Variants in MLLT10 observed in about 807,000 individuals in gnomAD.
The protein encoded by MLLT10 is protein AF-10.
MLLT10 carries 30 observed loss-of-function variants against 129.1 expected under a neutral mutation model. The observed-to-expected ratio is 0.23, with a 90% CI of 0.17 to 0.32. The LOEUF is 0.32. Among genes scored for constraint, MLLT10 ranks in the 10% least tolerant of loss-of-function variants. MLLT10 has a pLI of 1.00. For synonymous variants in MLLT10, 490 were observed against 446.4 expected (o/e 1.10, Z -1.23); for missense variants, 1,119 against 1,268.3 (o/e 0.88, Z 1.79).
intron 3 of MLLT10, among the ~76,000 whole-genome samples, chr10:21,569,986 T>A (rs188152830): frequency 6.6e-6 from 1 of 152,154 alleles, no homozygotes; most frequent in Non-Finnish European, 1.5e-5. Context: ...CTCGGCTCAT[T>A]GCAATCTCTG....
At chr10:21,586,699 C>T (rs1213736016) in intron 4 of MLLT10, among the ~76,000 whole-genome samples, 2 of 151,892 alleles carry the variant, frequency 1.3e-5, no homozygotes, top group African/African-American at 2.4e-5. Flanking sequence ...CCAGCCTGGC[C>T]AACATAGTGA....
chr10:21,534,570 TC>T, intron 1 of MLLT10, 50 bp downstream of exon 1: 2 of 1,200,642 alleles, frequency 1.7e-6, no homozygotes, highest in Non-Finnish European at 1.1e-6. Flanking sequence ...CGGGGCGGGC[TC>T]GGGGGGCTGT....
At chr10:21,588,572 C>A (rs1001041942) in intron 4 of MLLT10, among the ~76,000 whole-genome samples, 3 of 151,762 alleles carry the variant, frequency 2.0e-5, no homozygotes, top group African/African-American at 7.3e-5. Context: ...GGAGTTTTGC[C>A]GTTAATTTTG....
At chr10:21,625,281 C>T (rs568704101) in intron 8 of MLLT10, 4 of 936,344 alleles carry the variant, frequency 4.3e-6, no homozygotes, top group Non-Finnish European at 5.2e-6. Context: ...GTTTCTTTGC[C>T]ATTCATTTCA....
At chr10:21,564,627 C>G (rs1476654746) in intron 3 of MLLT10, 1 of 151,186 alleles carries the variant, frequency 6.6e-6, no homozygotes, top group Non-Finnish European at 1.5e-5. Context: ...TTTTCTTTTT[C>G]TTTTTTTGAG....
chr10:21,670,668 G>A lies in MLLT10; in HGVS notation c.1015G>A (p.Gly339Arg). ...GRKPGGGRNP[G>R]TTVSAASPFP... ...AAAGCCTGGTGGTGGAAGAAATCCA[G>A]GAACAACTGTGTCAGCAGCTAGCCC... The change falls in exon 10 of 23, where the codon GGA becomes AGA. Residue 339 changes from glycine to arginine, a missense_variant. Gly to Arg is a moderately radical substitution (Grantham distance 125). Coordinates refer to ENST00000307729, the MANE Select transcript of MLLT10 (RefSeq NM_001195626.3). 6.2e-7 allele frequency: 1 copy of A among 1,614,092 alleles called. No individual in the cohort carries two copies. The highest frequency in any genetic ancestry group is 8.5e-7 in the Non-Finnish European group (1 of 1,180,020).
intron 14 of MLLT10, among the ~76,000 whole-genome samples, chr10:21,718,297 G>A (rs1353600346): frequency 3.3e-5 from 5 of 152,088 alleles, no homozygotes; most frequent in African/African-American, 7.2e-5. Flanking sequence ...TTAACATTGC[G>A]GGAAGAGCGG....
chr10:21,671,931 C>T (rs995006013), intron 10 of MLLT10, among the ~76,000 whole-genome samples: 1 of 151,778 alleles, frequency 6.6e-6, no homozygotes, highest in South Asian at 2.1e-4. Context: ...CCAGCCTAGG[C>T]GACAGAACAA....
rs1220458599 is a variant in MLLT10, at chr10:21,689,616, T to C, written c.1699+7359T>C. On this transcript the variant is annotated intron_variant, in intron 13 of 22. Coordinates refer to ENST00000307729, the MANE Select transcript of MLLT10 (RefSeq NM_001195626.3). ...CGTGTGTGTTTTATATATATATATATATACACACACACACACACACACATT... is the reference window on the plus strand; with the variant it reads ...CGTGTGTGTTTTATATATATATATACATACACACACACACACACACACATT... 3.4e-3 allele frequency among the ~76,000 whole-genome samples: 483 copies of C among 140,738 alleles called. 6 individuals are homozygous for C. The highest frequency in any genetic ancestry group is 0.012 in the African/African-American group (456 of 37,712). The allele number at this position is 140,738 out of a possible 152,430, so 92.3% of individuals were successfully genotyped here.
chr10:21,686,674 GA>G (rs1269842622), intron 13 of MLLT10, among the ~76,000 whole-genome samples: 1 of 152,064 alleles, frequency 6.6e-6, no homozygotes, highest in Non-Finnish European at 1.5e-5. Context: ...CAATATCTAT[GA>G]CTGTAAATAT....
chr10:21,554,351 C>T (rs1245309093), intron 3 of MLLT10, among the ~76,000 whole-genome samples: 1 of 152,100 alleles, frequency 6.6e-6, no homozygotes, highest in Non-Finnish European at 1.5e-5. Context: ...TTTGAGACAG[C>T]ATCTTGATAT....
chr10:21,603,704 G>A (rs1365142830), intron 5 of MLLT10, among the ~76,000 whole-genome samples: 2 of 152,114 alleles, frequency 1.3e-5, no homozygotes, highest in Non-Finnish European at 2.9e-5. Flanking sequence ...AATTAAAGAG[G>A]CTACAAGTCT....
At chr10:21,564,089 G>A (rs1328246155) in intron 3 of MLLT10, among the ~76,000 whole-genome samples, 1 of 152,134 alleles carries the variant, frequency 6.6e-6, no homozygotes, top group African/African-American at 2.4e-5. Flanking sequence ...CGGGATTACA[G>A]GCATGAGCCA....
intron 13 of MLLT10, among the ~76,000 whole-genome samples, chr10:21,709,494 G>A (rs1039194098): frequency 2.6e-5 from 4 of 152,232 alleles, no homozygotes; most frequent in Admixed American, 6.5e-5. Flanking sequence ...GCCTTCCGAA[G>A]TGCTGGGATT....
intron 5 of MLLT10, among the ~76,000 whole-genome samples, chr10:21,606,389 A>T (rs1025067266): frequency 1.1e-4 from 16 of 152,216 alleles, no homozygotes; most frequent in Admixed American, 7.9e-4. Flanking sequence ...GATTTAAGAA[A>T]CACCTTTCGA....
intron 3 of MLLT10, among the ~76,000 whole-genome samples, chr10:21,563,630 C>T (rs1197327743): frequency 2.0e-5 from 3 of 152,054 alleles, no homozygotes; most frequent in Non-Finnish European, 4.4e-5. Context: ...TACAGTTAAA[C>T]TGCGTTTTGT....
In MLLT10 at chr10:21,713,949, A is replaced by G. The variant is rs749925979; in HGVS notation, c.1877A>G (p.Gln626Arg). Reference sequence around the variant, plus strand: ...GCAGCCCCTGCTGTTGCTACAACTCAGGTAAGTTGTTACACTATCATGTGA... The same window carrying G: ...GCAGCCCCTGCTGTTGCTACAACTCGGGTAAGTTGTTACACTATCATGTGA... ...SSAAPAVATT[Q>R]ANTLSGSSLS... The change falls in exon 14 of 23, where the codon CAG becomes CGG. Residue 626 changes from glutamine to arginine, a missense_variant and splice_region_variant. Physicochemically the swap from Gln to Arg is conservative, Grantham distance 43 (BLOSUM62 1). Around this residue, in one of 5 missense-constraint regions of MLLT10, gnomAD observed 1,004 missense variants for 1,008.7 expected, o/e 1.00. Coordinates refer to ENST00000307729, the MANE Select transcript of MLLT10 (RefSeq NM_001195626.3). 6.2e-7 allele frequency: 1 copy of G among 1,609,006 alleles called. No individual in the cohort carries two copies. Among genetic ancestry groups the G allele is most frequent in the South Asian group, 1.1e-5 (1 of 90,042 alleles).
chr10:21,684,830 C>T (rs747060049), intron 13 of MLLT10, among the ~76,000 whole-genome samples: 4 of 152,204 alleles, frequency 2.6e-5, no homozygotes, highest in Non-Finnish European at 5.9e-5. Flanking sequence ...CCCGACTTTA[C>T]GTTGCATCAA....
intron 9 of MLLT10, among the ~76,000 whole-genome samples, chr10:21,652,930 A>G (rs910305926): frequency 6.6e-6 from 1 of 152,230 alleles, no homozygotes. Flanking sequence ...TTAGAGGCAT[A>G]TGAGAAAGAG....
Sources: gnomAD v4.1 joint callset for allele counts (sites outside exome capture counted in the v4.1 genomes callset) on GRCh38, gnomAD v4.1.1 for gene constraint, gnomAD v4.1.1 regional missense constraint, MANE v1.5 for transcripts, NCBI Gene and HGNC (gene_info 2026-07-23, HGNC 2026-07-21) for gene names.